ESRRG: variants seen among roughly 807,000 people sequenced by gnomAD.
ESRRG encodes the protein estrogen-related receptor gamma.
In ESRRG, 13 loss-of-function variants were observed where a neutral mutation model predicts 44.0. The observed-to-expected ratio is 0.30, with a 90% confidence interval of 0.19 to 0.47. The LOEUF is 0.47. Ranked by LOEUF, ESRRG falls within the 20% of genes least tolerant of loss-of-function variation. The probability of loss-of-function intolerance (pLI) is 1.00; values close to 1 mark genes in which losing one functional copy is unlikely to be tolerated. For synonymous variants in ESRRG, 215 were observed against 214.6 expected, an observed-to-expected ratio of 1.00 and a Z score of -0.02; for missense variants, 395 against 580.6, an observed-to-expected ratio of 0.68 and a Z score of 3.29.
chr1:216,510,480 T>C (rs1031781053), intron 6 of ESRRG, among the ~76,000 whole-genome samples: 2 of 152,202 alleles, frequency 1.3e-5, no homozygotes, highest in African/African-American at 4.8e-5. Flanking sequence ...GATAGCTAAA[T>C]ATCATCATCC....
chr1:216,947,875 A>C (rs562994920), intron 1 of ESRRG, among the ~76,000 whole-genome samples: 4 of 152,276 alleles, frequency 2.6e-5, no homozygotes, highest in African/African-American at 9.6e-5. Flanking sequence ...GAAAGAGAGC[A>C]GAAGTGACAG....
At chr1:216,754,368 G>C (rs2092308198) in intron 2 of ESRRG, among the ~76,000 whole-genome samples, 1 of 151,976 alleles carries the variant, frequency 6.6e-6, no homozygotes, top group Non-Finnish European at 1.5e-5. Context: ...TCACTCTAGA[G>C]TCCCGTATCT....
intron 2 of ESRRG, among the ~76,000 whole-genome samples, chr1:216,927,356 C>G (rs1005404797): frequency 2.6e-5 from 4 of 152,084 alleles, no homozygotes; most frequent in South Asian, 4.2e-4. Context: ...AGCCTGAAGA[C>G]GGCCCCTCAC....
chr1:216,854,393 G>GA (rs1022311876), intron 2 of ESRRG, among the ~76,000 whole-genome samples: 50 of 96,270 alleles, frequency 5.2e-4, no homozygotes, highest in African/African-American at 1.8e-3. Flanking sequence ...AGAAAAAAAA[G>GA]AAAAAACTCC....
At chr1:216,760,953 T>C (rs554994430) in intron 2 of ESRRG, among the ~76,000 whole-genome samples, 1 of 152,148 alleles carries the variant, frequency 6.6e-6, no homozygotes, top group South Asian at 2.1e-4. Context: ...AGGTGGACAT[T>C]CCTTTCAAGG....
At chr1:216,912,266 G>GAGA in intron 2 of ESRRG, among the ~76,000 whole-genome samples, 1 of 53,496 alleles carries the variant, frequency 1.9e-5, no homozygotes. Context: ...GAGAGGAGAG[G>GAGA]GGAGGGGAGG....
chr1:216,843,205 CA>C (rs1257172581), intron 2 of ESRRG, among the ~76,000 whole-genome samples: 1 of 150,474 alleles, frequency 6.6e-6, no homozygotes, highest in African/African-American at 2.5e-5. Context: ...GGCTAAGAAT[CA>C]AATTTTGTTT....
intron 1 of ESRRG, among the ~76,000 whole-genome samples, chr1:217,109,067 A>G (rs1158261511): frequency 6.6e-6 from 1 of 152,190 alleles, no homozygotes; most frequent in Non-Finnish European, 1.5e-5. Context: ...CCATCCACAA[A>G]AATGTAATGG....
At chr1:216,774,002 T>C (rs2093489421) in intron 2 of ESRRG, among the ~76,000 whole-genome samples, 1 of 152,136 alleles carries the variant, frequency 6.6e-6, no homozygotes, top group African/African-American at 2.4e-5. Context: ...TATATACCAC[T>C]GCATTTACTC....
intron 2 of ESRRG, among the ~76,000 whole-genome samples, chr1:216,816,105 C>T (rs746406461): frequency 6.6e-6 from 1 of 152,152 alleles, no homozygotes; most frequent in Middle Eastern, 3.2e-3. Context: ...AAAGAAATAC[C>T]TCTTTCACTA....
intron 2 of ESRRG, among the ~76,000 whole-genome samples, chr1:216,738,179 C>A (rs984098292): frequency 3.9e-5 from 6 of 152,070 alleles, no homozygotes; most frequent in Non-Finnish European, 8.8e-5. Context: ...GGGATAAGAT[C>A]TACTGGGGTT....
intron 2 of ESRRG, among the ~76,000 whole-genome samples, chr1:216,883,660 T>G (rs2096480789): frequency 6.6e-6 from 1 of 152,074 alleles, no homozygotes; most frequent in Non-Finnish European, 1.5e-5. Context: ...AGTATAAGGT[T>G]TCATCAGAGG....
intron 3 of ESRRG, among the ~76,000 whole-genome samples, chr1:216,645,762 C>A (rs780984863): frequency 6.6e-6 from 1 of 150,704 alleles, no homozygotes; most frequent in African/African-American, 2.4e-5. Context: ...GTCCCAGCTA[C>A]TCAGGAAGCT....
chr1:217,077,562 G>A (rs967685255), intron 1 of ESRRG, among the ~76,000 whole-genome samples: 2 of 152,238 alleles, frequency 1.3e-5, no homozygotes, highest in Admixed American at 6.5e-5. Context: ...CTAGGTAGTG[G>A]CTAAATACAG....
chr1:216,545,018 A>T (rs1041562297), intron 5 of ESRRG, among the ~76,000 whole-genome samples: 7 of 151,934 alleles, frequency 4.6e-5, no homozygotes, highest in African/African-American at 1.7e-4. Context: ...CAATATAACA[A>T]TATATTACAT....
At chr1:216,957,861 G>C (rs889451798) in intron 1 of ESRRG, among the ~76,000 whole-genome samples, 1 of 152,128 alleles carries the variant, frequency 6.6e-6, no homozygotes, top group Non-Finnish European at 1.5e-5. Context: ...GATGAGTTTT[G>C]ACTATTGTAA....
intron 2 of ESRRG, among the ~76,000 whole-genome samples, chr1:216,926,096 G>A (rs891059048): frequency 6.6e-6 from 1 of 152,180 alleles, no homozygotes; most frequent in African/African-American, 2.4e-5. Context: ...CAAGCAAAAC[G>A]CTGGGATGGA....
chr1:216,593,117 C>T (rs1249541905), intron 3 of ESRRG, among the ~76,000 whole-genome samples: 2 of 152,066 alleles, frequency 1.3e-5, no homozygotes. Context: ...GAACAGCCAC[C>T]GAAATAAGTT....
intron 3 of ESRRG, among the ~76,000 whole-genome samples, chr1:216,601,429 T>C (rs1033992918): frequency 1.3e-5 from 2 of 152,050 alleles, no homozygotes; most frequent in Non-Finnish European, 2.9e-5. Flanking sequence ...AAAAGAAAGC[T>C]GGAGGGAGCG....
Sources: gnomAD v4.1 joint callset for allele counts (sites outside exome capture counted in the v4.1 genomes callset) on GRCh38, gnomAD v4.1.1 for gene constraint, MANE v1.5 for transcripts, NCBI Gene and HGNC (gene_info 2026-07-23, HGNC 2026-07-21) for gene names.